Variants in SUCLG2 observed in about 807,000 individuals in gnomAD.
SUCLG2 encodes succinate-CoA ligase GDP-forming subunit beta, also known as succinate--CoA ligase [GDP-forming] subunit beta, mitochondrial.
SUCLG2 carries 42 observed loss-of-function variants against 47.9 expected under a neutral mutation model. The ratio of observed to expected loss-of-function variants is 0.88; its 90% CI spans 0.69 to 1.14. SUCLG2 has a LOEUF of 1.14. Ranked by LOEUF, SUCLG2 falls within the 50% of genes most tolerant of loss-of-function variation. The probability of loss-of-function intolerance (pLI) is 0.00; values close to 1 mark genes in which losing one functional copy is unlikely to be tolerated. For missense variants in SUCLG2, 571 were observed against 525.9 expected, an observed-to-expected ratio of 1.09 and a Z score of -0.84; for synonymous variants, 195 against 197.3, an observed-to-expected ratio of 0.99 and a Z score of 0.10.
chr3:67,428,913 A>C (rs1461177500), intron 9 of SUCLG2, among the ~76,000 whole-genome samples: 2 of 152,210 alleles, frequency 1.3e-5, no homozygotes, highest in Admixed American at 1.3e-4. Flanking sequence ...AAAGAGTAAA[A>C]AGAAATGAAC....
At chr3:67,520,399 T>G (rs1276327531) in intron 5 of SUCLG2, 83 bp downstream of exon 5, 4 of 1,582,504 alleles carry the variant, frequency 2.5e-6, no homozygotes, top group Non-Finnish European at 3.5e-6. Context: ...TTAGTGCTCC[T>G]GGCCTTAGAC....
chr3:67,563,925 A>C (rs1255570466), intron 2 of SUCLG2, among the ~76,000 whole-genome samples: 1 of 147,550 alleles, frequency 6.8e-6, no homozygotes, highest in East Asian at 2.0e-4. Flanking sequence ...TCGCTGCTGC[A>C]CTCCAGCCTG....
At chr3:67,373,937 A>G (rs1701987117), downstream of SUCLG2, among the ~76,000 whole-genome samples, 1 of 152,242 alleles carries the variant, frequency 6.6e-6, no homozygotes, top group African/African-American at 2.4e-5. Flanking sequence ...TTTGAAAATA[A>G]AAGGCTATTT....
chr3:67,493,117 A>G (rs1001248670), intron 9 of SUCLG2, among the ~76,000 whole-genome samples: 1 of 152,190 alleles, frequency 6.6e-6, no homozygotes, highest in Non-Finnish European at 1.5e-5. Flanking sequence ...AGGAACCTCT[A>G]CTTTTGGGCA....
Position 67,369,315 on chromosome 3 carries a change from G to A in SUCLG2, c.1184-8547C>T, listed in dbSNP as rs79184902. ...TTTGTCTATTATGGGTGGTGCCTTCGTTTTTCTGCCTTTGGCTTACCCCTC... is the reference window on the plus strand; with the variant it reads ...TTTGTCTATTATGGGTGGTGCCTTCATTTTTCTGCCTTTGGCTTACCCCTC... On this transcript the variant is annotated intron_variant, in intron 10 of 10. Transcript: ENST00000493112. Among the ~76,000 whole-genome samples the A allele has an allele frequency of 1.8e-4, 28 of 152,220 alleles. No individual in the cohort carries two copies. In the East Asian group the frequency reaches 4.1e-3, roughly 22 times the overall value.
chr3:67,545,419 A>G (rs947884626), intron 2 of SUCLG2, among the ~76,000 whole-genome samples: 1 of 152,238 alleles, frequency 6.6e-6, no homozygotes, highest in Non-Finnish European at 1.5e-5. Flanking sequence ...ACTGAGGTCC[A>G]GCATAACTGT....
chr3:67,654,595 G>A lies in SUCLG2; in HGVS notation c.-9C>T. 3 of 1,272,140 alleles carry A rather than the reference G, an allele frequency of 2.4e-6. No individual in the cohort carries two copies. The highest frequency in any genetic ancestry group is 3.0e-6 in the Non-Finnish European group (3 of 1,006,914). The allele number at this position is 1,272,140 out of a possible 1,614,324, so 78.8% of individuals were successfully genotyped here. ...GCTACGGGGGACGCCATCTTAAACA[G>A]GAAACTCGGCACGGGGCAGTAGGGC... On this transcript the variant is annotated 5_prime_UTR_variant, in exon 1 of 11. Coordinates refer to ENST00000307227, the MANE Select transcript of SUCLG2 (RefSeq NM_003848.4).
At chr3:67,502,498 G>T (rs947728750) in intron 7 of SUCLG2, among the ~76,000 whole-genome samples, 8 of 152,170 alleles carry the variant, frequency 5.3e-5, no homozygotes, top group African/African-American at 1.9e-4. Context: ...ATACAATGGG[G>T]ATCAGAGTAT....
chr3:67,530,900 A>G (rs775682066), intron 2 of SUCLG2, among the ~76,000 whole-genome samples: 7 of 152,214 alleles, frequency 4.6e-5, no homozygotes, highest in Non-Finnish European at 8.8e-5. Flanking sequence ...AAATGAATAC[A>G]TTGCATATTT....
intron 2 of SUCLG2, among the ~76,000 whole-genome samples, chr3:67,543,916 C>T (rs543623605): frequency 2.5e-4 from 38 of 152,182 alleles, no homozygotes; most frequent in African/African-American, 8.9e-4. Context: ...CACATGGGGT[C>T]GGGGTGTTTA....
At chr3:67,482,078 G>C (rs187830540) in intron 9 of SUCLG2, among the ~76,000 whole-genome samples, 1 of 152,326 alleles carries the variant, frequency 6.6e-6, no homozygotes, top group East Asian at 1.9e-4. Flanking sequence ...TACTCAGAAG[G>C]CTGAGGCAGG....
intron 9 of SUCLG2, among the ~76,000 whole-genome samples, chr3:67,461,161 A>C (rs537119379): frequency 1.3e-5 from 2 of 152,278 alleles, no homozygotes; most frequent in Non-Finnish European, 2.9e-5. Context: ...TGCCTTTTAA[A>C]ATTTCTCTTC....
exon 11 of SUCLG2, chr3:67,360,642 A>T: frequency 6.6e-7 from 1 of 1,510,130 alleles, no homozygotes. Flanking sequence ...ACATAAAAAA[A>T]TGCTGATGGC....
intron 9 of SUCLG2, among the ~76,000 whole-genome samples, chr3:67,401,651 G>A (rs566536084): frequency 2.7e-4 from 41 of 149,988 alleles, no homozygotes; most frequent in African/African-American, 1.0e-3. Context: ...TAATTAACAT[G>A]AAGAACGAGA....
intron 2 of SUCLG2, among the ~76,000 whole-genome samples, chr3:67,547,231 A>G (rs889642836): frequency 7.9e-5 from 12 of 152,138 alleles, no homozygotes; most frequent in African/African-American, 2.9e-4. Context: ...TTAAGGAGAA[A>G]GCAGGCTCGC....
At chr3:67,505,928 C>A (rs1427253297) in intron 7 of SUCLG2, among the ~76,000 whole-genome samples, 1 of 151,912 alleles carries the variant, frequency 6.6e-6, no homozygotes, top group Non-Finnish European at 1.5e-5. Flanking sequence ...TACCACTGCA[C>A]TCCAGCCTTG....
intron 9 of SUCLG2, among the ~76,000 whole-genome samples, chr3:67,466,425 T>A (rs962544299): frequency 3.9e-5 from 6 of 152,226 alleles, no homozygotes; most frequent in Non-Finnish European, 7.3e-5. Flanking sequence ...GGCATTAACA[T>A]ACTAGGTAAA....
At chr3:67,380,142 T>C (rs775858478) in intron 10 of SUCLG2, among the ~76,000 whole-genome samples, 4 of 151,264 alleles carry the variant, frequency 2.6e-5, no homozygotes, top group African/African-American at 9.7e-5. Context: ...TACCGCAAAC[T>C]GCTCAAGGTG....
intron 9 of SUCLG2, among the ~76,000 whole-genome samples, chr3:67,482,885 G>C (rs1575726765): frequency 6.6e-6 from 1 of 152,146 alleles, no homozygotes; most frequent in East Asian, 1.9e-4. Flanking sequence ...TTCAGTATTA[G>C]AGCAGACACC....
Sources: allele counts gnomAD v4.1 joint callset (sites outside exome capture counted in the v4.1 genomes callset), GRCh38; gene constraint gnomAD v4.1.1; transcripts MANE v1.5; gene names NCBI Gene and HGNC (gene_info 2026-07-23, HGNC 2026-07-21).